SLC23A2: variants seen among roughly 807,000 people sequenced by gnomAD.
SLC23A2 encodes the protein solute carrier family 23 member 2.
Under a neutral mutation model 73.3 loss-of-function variants are expected in SLC23A2, and 36 were observed. That is an observed-to-expected ratio of 0.49 (90% confidence interval 0.38 to 0.65). SLC23A2 has a LOEUF of 0.65. Ranked by LOEUF, SLC23A2 falls within the 30% of genes least tolerant of loss-of-function variation. The pLI, the probability that SLC23A2 is intolerant of heterozygous loss-of-function variation, is 0.00. For synonymous variants in SLC23A2, 343 were observed against 327.3 expected (o/e 1.05, Z -0.52); for missense variants, 507 against 841.6 (o/e 0.60, Z 4.92).
rs1482688299 is a variant in SLC23A2 at position 4,863,422 on chromosome 20, A to T, written c.1357-515T>A. Among the ~76,000 whole-genome samples, 1 of 152,164 alleles carries T rather than the reference A, an allele frequency of 6.6e-6. No homozygotes were observed. Among genetic ancestry groups the T allele is most frequent in the African/African-American group, 2.4e-5 (1 of 41,426 alleles). ...GGGCTCTTCTCCTGGCCCACGTCTG[A>T]CTGTATGGTCGGGCCGACCCGTAGC... On this transcript the variant is annotated intron_variant, in intron 13 of 16. Transcript: ENST00000338244. The surrounding 1 kb of genome is among the most constrained non-coding windows in gnomAD (Gnocchi z 4.8).
chr20:4,964,251 T>A (rs1766333662), intron 2 of SLC23A2, among the ~76,000 whole-genome samples: 2 of 152,080 alleles, frequency 1.3e-5, no homozygotes, highest in Non-Finnish European at 2.9e-5. Flanking sequence ...CACATCAGCC[T>A]CCCAAAGTGC....
intron 2 of SLC23A2, among the ~76,000 whole-genome samples, chr20:4,937,087 C>G (rs992446927): frequency 6.6e-6 from 1 of 152,100 alleles, no homozygotes; most frequent in African/African-American, 2.4e-5. Flanking sequence ...TTCCACACCC[C>G]GGTGCACAAG....
At chr20:4,910,917 T>C (rs75911312) in intron 4 of SLC23A2, among the ~76,000 whole-genome samples, 3,523 of 152,318 alleles carry the variant, frequency 0.023, 55 homozygotes, top group South Asian at 0.046. Flanking sequence ...ACATCTAGCA[T>C]AAATGTGCTA....
intron 10 of SLC23A2, 48 bp downstream of exon 10, chr20:4,874,528 A>G: frequency 6.4e-7 from 1 of 1,556,274 alleles, no homozygotes; most frequent in Non-Finnish European, 8.7e-7. Context: ...CATCTTACAT[A>G]TTAACCAAGG....
chr20:4,951,521 G>A (rs1778395956), intron 2 of SLC23A2, among the ~76,000 whole-genome samples: 1 of 152,158 alleles, frequency 6.6e-6, no homozygotes, highest in African/African-American at 2.4e-5. Context: ...AGAAACAAAA[G>A]GGGCAATGAA....
Position 4,944,969 on chromosome 20 carries a change from G to A in SLC23A2, c.-154-12253C>T, listed in dbSNP as rs532923960. ...TGCCCTCAACTTGTAGGTGTGGTGA[G>A]GGCTAGTTTTGAATGAAACGCTCTG... On this transcript the variant is annotated intron_variant, in intron 2 of 16. Transcript: ENST00000338244. Among the ~76,000 whole-genome samples the A allele has an allele frequency of 2.6e-5, 4 of 151,184 alleles. No individual in the cohort carries two copies. The South Asian group carries it at 6.3e-4, about 24-fold the overall frequency.
In SLC23A2 at chr20:4,853,391, A is replaced by G. The variant is rs1929596066; in HGVS notation, c.*3581T>C. ...TCCCATGGCATCCGTATTACTGAAGATGAGACTTGCCAACTTTAAGTTGCT... is the reference window on the plus strand; with the variant it reads ...TCCCATGGCATCCGTATTACTGAAGGTGAGACTTGCCAACTTTAAGTTGCT... On this transcript the variant is annotated 3_prime_UTR_variant, in exon 17 of 17. Coordinates refer to ENST00000338244, the MANE Select transcript of SLC23A2 (RefSeq NM_005116.6). The G allele has an allele frequency of 6.5e-6, 1 of 152,682 alleles. No individual in the cohort carries two copies. The highest frequency in any genetic ancestry group is 1.5e-5 in the Non-Finnish European group (1 of 68,050). 9.5% of individuals were successfully genotyped at this position (152,682 alleles called of 1,614,324 possible).
intron 1 of SLC23A2, among the ~76,000 whole-genome samples, chr20:4,993,544 A>G (rs1019926522): frequency 3.3e-5 from 5 of 152,098 alleles, no homozygotes; most frequent in African/African-American, 1.2e-4. Flanking sequence ...TAGTAGCATC[A>G]ACTTTACTCA....
At chr20:4,941,081 A>T (rs2087032864) in intron 2 of SLC23A2, among the ~76,000 whole-genome samples, 1 of 152,024 alleles carries the variant, frequency 6.6e-6, no homozygotes, top group African/African-American at 2.4e-5. Context: ...ACTTGAACCC[A>T]GGAGGCGGAG....
chr20:4,991,325 G>A (rs2087919521), intron 1 of SLC23A2, among the ~76,000 whole-genome samples: 1 of 152,084 alleles, frequency 6.6e-6, no homozygotes, highest in South Asian at 2.1e-4. Flanking sequence ...TCCCAAACTG[G>A]TCTTAACCTC....
At position 4,884,388 on chromosome 20, in the gene SLC23A2, T is replaced by C. The variant is rs142836839; in HGVS notation, c.642+365A>G. On this transcript the variant is annotated intron_variant, in intron 8 of 16. Transcript: ENST00000338244. ...TTGGCAGACAAATATCTTTAGTTCT[T>C]TCAATGAACACAGGCAAACACTGAG... is the stretch of plus-strand genomic sequence containing the variant. 3.9e-3 allele frequency among the ~76,000 whole-genome samples: 598 copies of C among 152,362 alleles called. 3 individuals are homozygous for C. The highest frequency in any genetic ancestry group is 5.2e-3 in the Non-Finnish European group (354 of 68,030).
At chr20:4,999,407 C>G (rs2088079695) in intron 1 of SLC23A2, among the ~76,000 whole-genome samples, 1 of 152,066 alleles carries the variant, frequency 6.6e-6, no homozygotes, top group Admixed American at 6.6e-5. Flanking sequence ...CTTGCCTGCC[C>G]CGGGACACAT....
At chr20:4,944,005 C>T (rs1333451161) in intron 2 of SLC23A2, among the ~76,000 whole-genome samples, 2 of 152,172 alleles carry the variant, frequency 1.3e-5, no homozygotes, top group Non-Finnish European at 2.9e-5. Context: ...GAGGAAAGGG[C>T]TCCCCAGGGA....
At chr20:4,929,528 G>A (rs1932762427) in intron 3 of SLC23A2, among the ~76,000 whole-genome samples, 1 of 151,886 alleles carries the variant, frequency 6.6e-6, no homozygotes, top group Non-Finnish European at 1.5e-5. Context: ...AAACCCCACA[G>A]AAGCACAGAG....
At chr20:4,968,317 G>C (rs1445619384) in intron 2 of SLC23A2, among the ~76,000 whole-genome samples, 6 of 152,240 alleles carry the variant, frequency 3.9e-5, no homozygotes, top group Non-Finnish European at 7.4e-5. Flanking sequence ...TGCGTCTTTT[G>C]GGCGCTGAAC....
At chr20:4,858,921 G>A (rs970646822) in intron 16 of SLC23A2, among the ~76,000 whole-genome samples, 3 of 152,072 alleles carry the variant, frequency 2.0e-5, no homozygotes, top group Non-Finnish European at 2.9e-5. Flanking sequence ...GAAGTGCCAC[G>A]GGCTGTGCCC....
Position 4,857,139 on chromosome 20 carries a change from C to A in SLC23A2, c.1786G>T (p.Asp596Tyr). The A allele has an allele frequency of 6.2e-7, 1 of 1,614,102 alleles. No homozygotes were observed. The highest frequency in any genetic ancestry group is 1.1e-5 in the South Asian group (1 of 91,068). The change falls in exon 17 of 17, where the codon GAC becomes TAC. Residue 596 changes from aspartate (D) to tyrosine (Y), a missense_variant. Asp to Tyr is a radical substitution (Grantham distance 160, BLOSUM62 -3). Around this residue, in one of 5 missense-constraint regions of SLC23A2, gnomAD observed 168 missense variants for 302.3 expected, o/e 0.56. Transcript: ENST00000338244. This position sits in a 1 kb window ranked among gnomAD's most constrained non-coding sequence, Gnocchi z 4.0. ...GGCAAATTGTACGACTCCATGCCGT[C>A]GAGTGATTTGTTCCCTTTGCCCACA... ...KGVGKGNKSL[D>Y]GMESYNLPFG...
intron 2 of SLC23A2, among the ~76,000 whole-genome samples, chr20:4,952,682 A>G (rs879934026): frequency 1.3e-5 from 2 of 152,212 alleles, no homozygotes; most frequent in Non-Finnish European, 2.9e-5. Flanking sequence ...TGGTTATAAA[A>G]CGCAATGCAT....
chr20:4,864,423 A>G (rs1389476023), intron 13 of SLC23A2, among the ~76,000 whole-genome samples: 1 of 152,038 alleles, frequency 6.6e-6, no homozygotes, highest in Non-Finnish European at 1.5e-5. Context: ...GCCCAGCTGG[A>G]CTCAGTCACT....
Sources: allele counts gnomAD v4.1 joint callset (sites outside exome capture counted in the v4.1 genomes callset), GRCh38; gene constraint gnomAD v4.1.1; regional missense constraint gnomAD v4.1.1; non-coding constraint Gnocchi (gnomAD v3.1); transcripts MANE v1.5; gene names NCBI Gene and HGNC (gene_info 2026-07-23, HGNC 2026-07-21).